The following DMC1 variants were observed in gnomAD, a reference collection of about 807,000 sequenced individuals.
The protein encoded by DMC1 is meiotic recombination protein DMC1 homolog.
In DMC1, 27 loss-of-function variants were observed where a neutral mutation model predicts 50.1. The observed-to-expected ratio is 0.54, with a 90% CI of 0.40 to 0.74. The LOEUF is 0.74. Ranked by LOEUF, DMC1 falls within the 30% of genes least tolerant of loss-of-function variation. The probability of loss-of-function intolerance (pLI) is 0.00; values close to 1 mark genes in which losing one functional copy is unlikely to be tolerated. For missense variants in DMC1, 295 were observed against 420.2 expected, an observed-to-expected ratio of 0.70 and a Z score of 2.60; for synonymous variants, 148 against 136.1, an observed-to-expected ratio of 1.09 and a Z score of -0.61.
chr22:38,543,260 C>T (rs1182457984), intron 8 of DMC1, among the ~76,000 whole-genome samples: 3 of 146,748 alleles, frequency 2.0e-5, no homozygotes, highest in Non-Finnish European at 4.5e-5. Flanking sequence ...GACGGAGTCT[C>T]GCTCTGTCAC....
intron 12 of DMC1, among the ~76,000 whole-genome samples, chr22:38,537,222 T>G (rs2090223701): frequency 6.6e-6 from 1 of 152,106 alleles, no homozygotes; most frequent in Non-Finnish European, 1.5e-5. Context: ...CTTTTTTCTT[T>G]TTTCTTTTTG....
intron 7 of DMC1, 49 bp from the exon 8 acceptor site, chr22:38,550,046 A>G: frequency 7.5e-7 from 1 of 1,328,492 alleles, no homozygotes; most frequent in South Asian, 1.2e-5. Flanking sequence ...TAAACTTTGT[A>G]CACATGACTA....
At chr22:38,553,006 C>CT (rs1028984028) in intron 6 of DMC1, among the ~76,000 whole-genome samples, 3 of 151,360 alleles carry the variant, frequency 2.0e-5, no homozygotes, top group African/African-American at 7.3e-5. Flanking sequence ...TGCCACCACG[C>CT]CCGGCTAGTT....
In DMC1 at chr22:38,562,340, A is replaced by G. The variant is rs150789073; in HGVS notation, c.273T>C (p.Tyr91=). ...IEPGFLTAFE[Y]SEKRKMVFHI... The stretch of plus-strand genomic sequence containing the variant: ...GGAAAACCATTTTCCTCTTTTCACT[A>G]TACTCAAATGCAGTCAAGAATCCTG... The change falls in exon 5 of 14, where the codon TAT becomes TAC. Residue 91 remains tyrosine, a synonymous_variant. Transcript: ENST00000216024. The G allele has an allele frequency of 8.2e-5, 133 of 1,612,488 alleles. No individual in the cohort carries two copies. The highest frequency in any genetic ancestry group is 1.2e-4 in the Admixed American group (7 of 59,996).
At chr22:38,568,857 T>A (rs930496147) in intron 1 of DMC1, among the ~76,000 whole-genome samples, 3 of 152,172 alleles carry the variant, frequency 2.0e-5, no homozygotes, top group African/African-American at 7.2e-5. Flanking sequence ...AGCTATACTT[T>A]CTTTCACAGT....
chr22:38,540,729 A>G (rs143672418), intron 8 of DMC1, among the ~76,000 whole-genome samples: 1 of 152,292 alleles, frequency 6.6e-6, no homozygotes, highest in African/African-American at 2.4e-5. Flanking sequence ...AAAATCTTCC[A>G]TTGTTATTGA....
At chr22:38,568,363 A>G in intron 1 of DMC1, 74 bp from the exon 2 acceptor site, 1 of 1,033,842 alleles carries the variant, frequency 9.7e-7, no homozygotes, top group Non-Finnish European at 1.5e-6. Context: ...CAAAGTCAAC[A>G]AGGACTAGAA....
At chr22:38,509,185 G>A in the DMC1 span, among the ~76,000 whole-genome samples, 1 of 152,016 alleles carries the variant, frequency 6.6e-6, no homozygotes, top group African/African-American at 2.4e-5. Context: ...TTTAATTCTG[G>A]GGTACATGTT....
At chr22:38,533,209 G>A (rs965026960) in intron 12 of DMC1, among the ~76,000 whole-genome samples, 37 of 151,802 alleles carry the variant, frequency 2.4e-4, no homozygotes, top group African/African-American at 8.9e-4. Flanking sequence ...TGGCTAACAC[G>A]GTGAAACCCC....
At chr22:38,513,857 C>T in the DMC1 span, among the ~76,000 whole-genome samples, 3 of 152,218 alleles carry the variant, frequency 2.0e-5, no homozygotes, top group Non-Finnish European at 2.9e-5. Flanking sequence ...CGGGCCACTG[C>T]GCCTGGCCCA....
chr22:38,526,272 G>A (rs1315197689), intron 12 of DMC1, among the ~76,000 whole-genome samples: 2 of 151,694 alleles, frequency 1.3e-5, no homozygotes, highest in African/African-American at 4.8e-5. Context: ...TGCCGTGATC[G>A]CGGCTCATTG....
rs915724123 is a variant in DMC1 at position 38,545,428 on chromosome 22, A to AT, written c.494+4496dup. On this transcript the variant is annotated intron_variant, in intron 8 of 13. Coordinates refer to ENST00000216024, the MANE Select transcript of DMC1 (RefSeq NM_007068.4). ...CCTGTCCCAAAAACAAAACAAAACA[A>AT]TTTTTTTTTTTTGAGATGGAGTCTC... 4.7e-3 allele frequency among the ~76,000 whole-genome samples: 689 copies of AT among 146,092 alleles called. 6 individuals carry two copies. Among genetic ancestry groups the AT allele is most frequent in the African/African-American group, 0.015 (621 of 40,096 alleles).
At chr22:38,527,531 T>C (rs2090105805) in intron 12 of DMC1, among the ~76,000 whole-genome samples, 1 of 149,290 alleles carries the variant, frequency 6.7e-6, no homozygotes, top group African/African-American at 2.5e-5. Flanking sequence ...TTTTTTTTTT[T>C]TTTTTGAGAC....
intron 13 of DMC1, among the ~76,000 whole-genome samples, chr22:38,520,411 G>A (rs552378889): frequency 4.1e-4 from 62 of 151,912 alleles, no homozygotes; most frequent in African/African-American, 1.4e-3. Context: ...TGTCCCCCAG[G>A]CAATGGTGAG....
At chr22:38,529,540 ATAT>A (rs1163874384) in intron 12 of DMC1, among the ~76,000 whole-genome samples, 1 of 152,208 alleles carries the variant, frequency 6.6e-6, no homozygotes, top group African/African-American at 2.4e-5. Context: ...AGGATATGGC[ATAT>A]TATATTGTTG....
chr22:38,531,649 G>T (rs1186309794), intron 12 of DMC1, among the ~76,000 whole-genome samples: 1 of 151,802 alleles, frequency 6.6e-6, no homozygotes, highest in Non-Finnish European at 1.5e-5. Context: ...CATTTAATTT[G>T]TATTGTTATA....
intron 5 of DMC1, among the ~76,000 whole-genome samples, chr22:38,560,052 C>T (rs1355158610): frequency 6.6e-6 from 1 of 151,482 alleles, no homozygotes; most frequent in Non-Finnish European, 1.5e-5. Context: ...AAAAAATAAA[C>T]ACAAATAAGT....
At chr22:38,532,478 C>G (rs920217843) in intron 12 of DMC1, among the ~76,000 whole-genome samples, 1 of 151,000 alleles carries the variant, frequency 6.6e-6, no homozygotes, top group Non-Finnish European at 1.5e-5. Context: ...CGCGCATTTA[C>G]GCCCGGCTAA....
In DMC1 at chr22:38,558,945, T is replaced by G. The variant is rs140647738; in HGVS notation, c.326+3342A>C. Among the ~76,000 whole-genome samples, 639 of 152,346 alleles carry G rather than the reference T, an allele frequency of 4.2e-3. 6 individuals are homozygous for G. Among genetic ancestry groups the G allele is most frequent in the African/African-American group, 0.015 (616 of 41,582 alleles). Reference sequence around the variant, plus strand: ...CCAATTTGCCTAGGGGTAGGATTTCTCCAAGCCTCTTCCTTAACTTTACTT... The same window carrying G: ...CCAATTTGCCTAGGGGTAGGATTTCGCCAAGCCTCTTCCTTAACTTTACTT... On this transcript the variant is annotated intron_variant, in intron 5 of 13. Transcript: ENST00000216024.
Sources: allele counts gnomAD v4.1 joint callset (sites outside exome capture counted in the v4.1 genomes callset), GRCh38; gene constraint gnomAD v4.1.1; transcripts MANE v1.5; gene names NCBI Gene and HGNC (gene_info 2026-07-23, HGNC 2026-07-21).